Variants in KCNIP4 observed in about 807,000 individuals in gnomAD.
KCNIP4 encodes potassium voltage-gated channel interacting protein 4, also known as Kv channel-interacting protein 4.
KCNIP4 carries 12 observed loss-of-function variants against 34.0 expected under a neutral mutation model. That is an observed-to-expected ratio of 0.35 (90% CI 0.23 to 0.57). The LOEUF (loss-of-function observed/expected upper bound fraction) is 0.57. Among genes scored for constraint, KCNIP4 ranks in the 20% least tolerant of loss-of-function variants. KCNIP4 has a pLI of 0.83. For synonymous variants in KCNIP4, 124 were observed against 102.2 expected (o/e 1.21, Z -1.29); for missense variants, 238 against 311.7 (o/e 0.76, Z 1.78).
Position 21,291,853 on chromosome 4 carries a change from CAAA to C in KCNIP4, c.62-409147_62-409145del, listed in dbSNP as rs754018961. On this transcript the variant is annotated intron_variant, in intron 1 of 8. Coordinates refer to ENST00000382152, the MANE Select transcript of KCNIP4 (RefSeq NM_025221.6). ...TGGGCGACAGAGTTAGACTCCGCCTCAAAAAAAAAAAAAAAAAGAAAGAAAGAA... is the reference window on the plus strand; with the variant it reads ...TGGGCGACAGAGTTAGACTCCGCCTCAAAAAAAAAAAAAAGAAAGAAAGAA... Among the ~76,000 whole-genome samples the C allele has an allele frequency of 7.7e-4, 20 of 26,142 alleles. 1 individual carries two copies. The highest frequency in any genetic ancestry group is 1.3e-3 in the African/African-American group (11 of 8,756). The allele number at this position is 26,142 out of a possible 152,430, so 17.2% of individuals were successfully genotyped here. A position where few individuals can be genotyped will look rare whatever the true frequency, so the allele number is the denominator to read the frequency against.
chr4:20,807,346 C>T (rs1715218190), intron 3 of KCNIP4, among the ~76,000 whole-genome samples: 1 of 152,080 alleles, frequency 6.6e-6, no homozygotes, highest in Non-Finnish European at 1.5e-5. Flanking sequence ...TGTGAAGACC[C>T]TGTAATCACA....
intron 1 of KCNIP4, among the ~76,000 whole-genome samples, chr4:20,938,547 G>A (rs990253738): frequency 5.9e-5 from 9 of 152,044 alleles, no homozygotes; most frequent in Admixed American, 2.0e-4. Context: ...TGTCTCTTAC[G>A]TGTACTGTTG....
chr4:21,345,232 A>G (rs1717172582), intron 1 of KCNIP4, among the ~76,000 whole-genome samples: 1 of 152,090 alleles, frequency 6.6e-6, no homozygotes, highest in African/African-American at 2.4e-5. Context: ...CAGCTTATGG[A>G]GAAGTCCATG....
intron 1 of KCNIP4, among the ~76,000 whole-genome samples, chr4:21,785,740 T>G (rs551848620): frequency 6.6e-6 from 1 of 152,364 alleles, no homozygotes; most frequent in South Asian, 2.1e-4. Context: ...ATGTCACCTT[T>G]TGTGTCTAGT....
At chr4:21,807,921 A>ATAAAAC (rs1484141365) in intron 1 of KCNIP4, among the ~76,000 whole-genome samples, 1 of 152,248 alleles carries the variant, frequency 6.6e-6, no homozygotes, top group African/African-American at 2.4e-5. Context: ...AAATTTAGGA[A>ATAAAAC]TAAAACTGGA....
chr4:21,585,248 G>T (rs1156435928), intron 1 of KCNIP4, among the ~76,000 whole-genome samples: 2 of 152,010 alleles, frequency 1.3e-5, no homozygotes, highest in Non-Finnish European at 2.9e-5. Context: ...CATTCAGAGA[G>T]CTTATGCTGC....
intron 1 of KCNIP4, among the ~76,000 whole-genome samples, chr4:21,347,650 G>A (rs1717585075): frequency 6.6e-6 from 1 of 152,200 alleles, no homozygotes; most frequent in African/African-American, 2.4e-5. Flanking sequence ...GAATATGGGT[G>A]TTGTGTATTT....
Position 21,304,077 on chromosome 4 carries a change from GAGAGAGAGAC to G in KCNIP4, c.62-421378_62-421369del, listed in dbSNP as rs1560272606. On this transcript the variant is annotated intron_variant, in intron 1 of 8. Coordinates refer to ENST00000382152, the MANE Select transcript of KCNIP4 (RefSeq NM_025221.6). ...AGAGAGAGAGAGAGAGACAGAGAGAGAGAGAGAGACAGAGAGAGAGAGAGAGAGAGACAGA... is the reference window on the plus strand; with the variant it reads ...AGAGAGAGAGAGAGAGACAGAGAGAGAGAGAGAGAGAGAGAGAGAGACAGA... 464 of 306,416 alleles carry G rather than the reference GAGAGAGAGAC, an allele frequency of 1.5e-3. 1 individual carries two copies. The highest frequency in any genetic ancestry group is 6.0e-3 in the Admixed American group (52 of 8,664). 19.0% of individuals were successfully genotyped at this position (306,416 alleles called of 1,614,324 possible).
At chr4:21,478,433 T>C (rs1731165814) in intron 1 of KCNIP4, among the ~76,000 whole-genome samples, 2 of 152,170 alleles carry the variant, frequency 1.3e-5, no homozygotes, top group Admixed American at 6.6e-5. Context: ...GCAGTAAGGT[T>C]CTTTTTAATG....
intron 1 of KCNIP4, among the ~76,000 whole-genome samples, chr4:21,918,995 T>C (rs1037089166): frequency 1.3e-5 from 2 of 152,054 alleles, no homozygotes; most frequent in Non-Finnish European, 1.5e-5. Flanking sequence ...TGGAGAAATA[T>C]AAACAAAGAA....
intron 1 of KCNIP4, among the ~76,000 whole-genome samples, chr4:21,349,813 G>A (rs763431208): frequency 7.2e-5 from 11 of 152,122 alleles, no homozygotes; most frequent in Non-Finnish European, 1.2e-4. Context: ...TGTGGCTATC[G>A]TCTCTTCAGG....
At position 21,778,224 on chromosome 4, in the gene KCNIP4, C is replaced by CTTTTTTTTTTTTTTTTTTTTTTTTTTT. The variant is rs757351209; in HGVS notation, c.61+170346_61+170347insAAAAAAAAAAAAAAAAAAAAAAAAAAA. Among the ~76,000 whole-genome samples, 5 of 102,390 alleles carry CTTTTTTTTTTTTTTTTTTTTTTTTTTT rather than the reference C, an allele frequency of 4.9e-5. 2 individuals carry two copies. Among genetic ancestry groups the CTTTTTTTTTTTTTTTTTTTTTTTTTTT allele is most frequent in the African/African-American group, 9.2e-5 (2 of 21,736 alleles). The allele number at this position is 102,390 out of a possible 152,430, so 67.2% of individuals were successfully genotyped here. On this transcript the variant is annotated intron_variant, in intron 1 of 8. Transcript: ENST00000382152. ...TTATTTGTTTCTTTTTCCTTTTTTC[C>CTTTTTTTTTTTTTTTTTTTTTTTTTTT]TTTTTTTTTTTCTTTTTTTTTTTTT...
At chr4:21,286,555 A>C (rs1763133853) in intron 1 of KCNIP4, among the ~76,000 whole-genome samples, 1 of 152,228 alleles carries the variant, frequency 6.6e-6, no homozygotes, top group East Asian at 1.9e-4. Context: ...CTATAGCCAG[A>C]AACATTTCTC....
intron 1 of KCNIP4, among the ~76,000 whole-genome samples, chr4:21,818,204 T>C (rs908396408): frequency 6.6e-6 from 1 of 152,192 alleles, no homozygotes; most frequent in Non-Finnish European, 1.5e-5. Context: ...CCGACACTTA[T>C]GGAAAATAGA....
At chr4:21,749,216 T>C (rs946153785) in intron 1 of KCNIP4, among the ~76,000 whole-genome samples, 7 of 152,118 alleles carry the variant, frequency 4.6e-5, no homozygotes, top group African/African-American at 1.7e-4. Context: ...TTCCTCCCTA[T>C]TAGAGCAGAA....
rs1335864784 is a variant in KCNIP4, at chr4:21,879,065, CTCTT to C, written c.61+69502_61+69505del. Reference sequence around the variant, plus strand: ...GTGCTGCCTACATTTTTGGGTAGAGCTCTTTCTTTCATAAAATCATTATGATTAT... The same window carrying C: ...GTGCTGCCTACATTTTTGGGTAGAGCTCTTTCATAAAATCATTATGATTAT... On this transcript the variant is annotated intron_variant, in intron 1 of 8. Transcript: ENST00000382152. Among the ~76,000 whole-genome samples the C allele has an allele frequency of 2.9e-4, 44 of 152,108 alleles. 1 individual carries two copies. Among genetic ancestry groups the C allele is most frequent in the African/African-American group, 9.9e-4 (41 of 41,414 alleles).
intron 1 of KCNIP4, among the ~76,000 whole-genome samples, chr4:21,575,362 G>C (rs906935814): frequency 6.6e-6 from 1 of 152,130 alleles, no homozygotes; most frequent in Non-Finnish European, 1.5e-5. Flanking sequence ...TCCTACATTA[G>C]GGGTTGGATT....
intron 1 of KCNIP4, among the ~76,000 whole-genome samples, chr4:21,305,852 G>A (rs1712407377): frequency 6.6e-6 from 1 of 152,166 alleles, no homozygotes; most frequent in Non-Finnish European, 1.5e-5. Flanking sequence ...ACTTCAACCA[G>A]AATTGGATCA....
chr4:21,009,162 A>G lies in KCNIP4; in HGVS notation c.62-126453T>C, dbSNP rs150608817. On this transcript the variant is annotated intron_variant, in intron 1 of 8. Coordinates refer to ENST00000382152, the MANE Select transcript of KCNIP4 (RefSeq NM_025221.6). The stretch of plus-strand genomic sequence containing the variant: ...TGTAGAACTTTTAGAAAAGACAAAT[A>G]TACACACACTATTACATACATCATA... Among the ~76,000 whole-genome samples the G allele has an allele frequency of 3.9e-3, 590 of 152,322 alleles. 1 individual carries two copies. The highest frequency in any genetic ancestry group is 0.013 in the African/African-American group (553 of 41,566).
Sources: gnomAD v4.1 joint callset for allele counts (sites outside exome capture counted in the v4.1 genomes callset) on GRCh38, gnomAD v4.1.1 for gene constraint, MANE v1.5 for transcripts, NCBI Gene and HGNC (gene_info 2026-07-23, HGNC 2026-07-21) for gene names.